CLNK: variants seen among roughly 807,000 people sequenced by gnomAD.
CLNK encodes cytokine dependent hematopoietic cell linker, also known as cytokine-dependent hematopoietic cell linker.
In CLNK, 74 loss-of-function variants were observed where a neutral mutation model predicts 68.6. The ratio of observed to expected loss-of-function variants is 1.08; its 90% CI spans 0.89 to 1.31. The LOEUF is 1.31. Ranked by LOEUF, CLNK falls within the 50% of genes most tolerant of loss-of-function variation. The pLI is 0.00. For synonymous variants in CLNK, 198 were observed against 172.2 expected (o/e 1.15, Z -1.17); for missense variants, 553 against 515.3 (o/e 1.07, Z -0.71).
the CLNK span, among the ~76,000 whole-genome samples, chr4:10,703,556 G>C: frequency 6.6e-6 from 1 of 152,130 alleles, no homozygotes; most frequent in Admixed American, 6.5e-5. Context: ...AGCTCTTAGA[G>C]AGCAGAATCT....
intron 9 of CLNK, 95 bp downstream of exon 9, chr4:10,542,160 T>A: frequency 8.2e-7 from 1 of 1,216,378 alleles, no homozygotes; most frequent in Non-Finnish European, 1.2e-6. Context: ...ATAAGACATA[T>A]TTTTCTAGAG....
intron 8 of CLNK, among the ~76,000 whole-genome samples, chr4:10,551,315 G>A (rs982713946): frequency 3.9e-5 from 6 of 152,100 alleles, no homozygotes; most frequent in African/African-American, 1.4e-4. Context: ...TGTGGTCTTG[G>A]CTCACTGCAA....
intron 8 of CLNK, among the ~76,000 whole-genome samples, chr4:10,555,106 AG>A (rs1329021509): frequency 2.0e-5 from 3 of 152,208 alleles, no homozygotes; most frequent in African/African-American, 7.2e-5. Flanking sequence ...AAAGCAAACT[AG>A]TATAAAGGTC....
intron 1 of CLNK, among the ~76,000 whole-genome samples, chr4:10,671,738 C>T (rs1304428115): frequency 6.6e-6 from 1 of 152,160 alleles, no homozygotes; most frequent in Non-Finnish European, 1.5e-5. Flanking sequence ...ACCTCAGTAA[C>T]CTCATAGGGT....
intron 1 of CLNK, among the ~76,000 whole-genome samples, chr4:10,682,738 GC>G (rs1436834434): frequency 6.6e-6 from 1 of 151,990 alleles, no homozygotes; most frequent in Non-Finnish European, 1.5e-5. Flanking sequence ...TCTTTTCTAA[GC>G]CCCAGTTTCA....
chr4:10,562,208 C>T (rs1204446041), intron 7 of CLNK, among the ~76,000 whole-genome samples: 2 of 150,410 alleles, frequency 1.3e-5, no homozygotes, highest in South Asian at 2.1e-4. Context: ...TCAAATAATC[C>T]TCCCACCTCA....
intron 2 of CLNK, among the ~76,000 whole-genome samples, chr4:10,651,296 C>T (rs1001313600): frequency 6.6e-6 from 1 of 152,198 alleles, no homozygotes; most frequent in African/African-American, 2.4e-5. Flanking sequence ...TTGGAACCAA[C>T]CCAAATGCCC....
chr4:10,667,824 G>A (rs767941744), intron 2 of CLNK, 35 bp downstream of exon 2: 43 of 1,549,994 alleles, frequency 2.8e-5, no homozygotes, highest in Non-Finnish European at 3.6e-5. Flanking sequence ...CCAAGAAAAG[G>A]GAACTGGGGC....
chr4:10,551,557 C>T (rs2108814412), intron 8 of CLNK, among the ~76,000 whole-genome samples: 1 of 152,228 alleles, frequency 6.6e-6, no homozygotes, highest in East Asian at 1.9e-4. Context: ...GCATGAGCCA[C>T]CACCCCCTCC....
the CLNK span, among the ~76,000 whole-genome samples, chr4:10,722,371 C>G: frequency 6.6e-6 from 1 of 152,184 alleles, no homozygotes; most frequent in African/African-American, 2.4e-5. Flanking sequence ...ACATCCCCTT[C>G]CAGCCCCATC....
chr4:10,648,943 T>G (rs1723624084), intron 2 of CLNK, among the ~76,000 whole-genome samples: 2 of 152,198 alleles, frequency 1.3e-5, no homozygotes, highest in African/African-American at 4.8e-5. Flanking sequence ...AATATATAGA[T>G]TAGCCCTTGA....
chr4:10,486,837 A>G lies in CLNK; in HGVS notation c.*3630T>C, dbSNP rs1716371940. On this transcript the variant is annotated 3_prime_UTR_variant, in exon 19 of 19. Transcript: ENST00000226951. ...CAAGTACTCAGAAATAAGTGTTAAA[A>G]TAGAAATCCAATCCAGTAATGGGAA... The G allele has an allele frequency of 6.6e-6, 1 of 152,252 alleles. No homozygotes were observed. Among genetic ancestry groups the G allele is most frequent in the South Asian group, 2.1e-4 (1 of 4,832 alleles). The allele number at this position is 152,252 out of a possible 1,614,324, so 9.4% of individuals were successfully genotyped here. A position where few individuals can be genotyped will look rare whatever the true frequency, so the allele number is the denominator to read the frequency against.
At chr4:10,665,661 T>TTA (rs1724368252) in intron 2 of CLNK, among the ~76,000 whole-genome samples, 2 of 52,512 alleles carry the variant, frequency 3.8e-5, no homozygotes, top group Non-Finnish European at 7.9e-5. Flanking sequence ...AGACTTCGTC[T>TTA]CAAAAAAAAA....
upstream of CLNK, among the ~76,000 whole-genome samples, chr4:10,686,440 C>G (rs377502191): frequency 1.3e-5 from 2 of 151,830 alleles, no homozygotes; most frequent in East Asian, 3.9e-4. Flanking sequence ...GTTGGATGAT[C>G]TAAGATTATC....
chr4:10,721,678 T>C, the CLNK span, among the ~76,000 whole-genome samples: 1,230 of 152,342 alleles, frequency 8.1e-3, 23 homozygotes, highest in Non-Finnish European at 0.01. Context: ...GTTTGCTTTA[T>C]CTTTCATTTA....
intron 4 of CLNK, among the ~76,000 whole-genome samples, chr4:10,579,880 C>A (rs766593395): frequency 2.0e-5 from 3 of 152,186 alleles, no homozygotes; most frequent in Non-Finnish European, 4.4e-5. Flanking sequence ...TCACGGGCTA[C>A]ATGAATGACA....
chr4:10,600,669 A>G (rs1721559721), intron 2 of CLNK, among the ~76,000 whole-genome samples: 1 of 152,230 alleles, frequency 6.6e-6, no homozygotes, highest in Non-Finnish European at 1.5e-5. Context: ...GATAATAAAT[A>G]GATACCTAGA....
chr4:10,703,458 C>T, the CLNK span, among the ~76,000 whole-genome samples: 1 of 152,112 alleles, frequency 6.6e-6, no homozygotes, highest in Non-Finnish European at 1.5e-5. Context: ...CTGCTATGTG[C>T]TCCTGGGTTT....
At chr4:10,554,669 A>C (rs1186113209) in intron 8 of CLNK, among the ~76,000 whole-genome samples, 1 of 152,214 alleles carries the variant, frequency 6.6e-6, no homozygotes, top group East Asian at 1.9e-4. Context: ...TGGCTGAAAC[A>C]CATTTACATC....
Sources: allele counts gnomAD v4.1 joint callset (sites outside exome capture counted in the v4.1 genomes callset), GRCh38; gene constraint gnomAD v4.1.1; transcripts MANE v1.5; gene names NCBI Gene and HGNC (gene_info 2026-07-23, HGNC 2026-07-21).